NSUN6: variants seen among roughly 807,000 people sequenced by gnomAD.
NSUN6 encodes NOP2/Sun RNA methyltransferase 6.
NSUN6 carries 64 observed loss-of-function variants against 58.0 expected under a neutral mutation model. The observed-to-expected ratio is 1.10, with a 90% CI of 0.90 to 1.36. The LOEUF (loss-of-function observed/expected upper bound fraction) is 1.36. NSUN6 is among the 40% of genes most tolerant of loss of function. NSUN6 has a pLI of 0.00. For missense variants in NSUN6, 701 were observed against 550.1 expected, an observed-to-expected ratio of 1.27 and a Z score of -2.74; for synonymous variants, 231 against 193.9, an observed-to-expected ratio of 1.19 and a Z score of -1.59.
chr10:18,568,931 T>C (rs4747355), intron 8 of NSUN6, among the ~76,000 whole-genome samples: 29,326 of 148,682 alleles, frequency 0.2, 3,093 homozygotes, highest in South Asian at 0.32. Context: ...ATTCTCCATT[T>C]GGTTCTCCAT....
chr10:18,630,164 T>G (rs1040608401), intron 3 of NSUN6, among the ~76,000 whole-genome samples: 17 of 137,864 alleles, frequency 1.2e-4, no homozygotes, highest in African/African-American at 3.9e-4. Flanking sequence ...ACTGGGTACA[T>G]AACGAAATGA....
intron 6 of NSUN6, 30 bp downstream of exon 6, chr10:18,609,815 A>T: frequency 8.7e-7 from 1 of 1,144,080 alleles, no homozygotes; most frequent in Non-Finnish European, 1.3e-6. Flanking sequence ...TTTCAATGTC[A>T]CTAAATATTT....
Position 18,629,571 on chromosome 10 carries a change from T to C in NSUN6, c.311+12905A>G, listed in dbSNP as rs7894903. On this transcript the variant is annotated intron_variant, in intron 3 of 10. Coordinates refer to ENST00000377304, the MANE Select transcript of NSUN6 (RefSeq NM_182543.5). ...AAGGATGGAGGAAGATCTACCAAGC[T>C]AATGGAAAACAAAAAAGGCAGGGGT... is the stretch of plus-strand genomic sequence containing the variant. Among the ~76,000 whole-genome samples, 7 of 131,536 alleles carry C rather than the reference T, an allele frequency of 5.3e-5. 1 individual carries two copies. Among genetic ancestry groups the C allele is most frequent in the Non-Finnish European group, 1.2e-4 (7 of 60,804 alleles). 86.3% of individuals were successfully genotyped at this position (131,536 alleles called of 152,430 possible).
chr10:18,572,650 A>T (rs2056435142), intron 8 of NSUN6, among the ~76,000 whole-genome samples: 1 of 142,548 alleles, frequency 7.0e-6, no homozygotes, highest in Non-Finnish European at 1.5e-5. Context: ...TCTCCATTCC[A>T]TTCTTCATTC....
Position 18,558,484 on chromosome 10 carries a change from T to C in NSUN6, c.923-6513A>G, listed in dbSNP as rs533221038. On this transcript the variant is annotated intron_variant, in intron 8 of 10. Transcript: ENST00000377304. ...ATGGAGAAGGGAATGGAAAAAGGAA[T>C]AGAATATGGAATGGAATGGAGAAAG... is the stretch of plus-strand genomic sequence containing the variant. Among the ~76,000 whole-genome samples, 10 of 145,440 alleles carry C rather than the reference T, an allele frequency of 6.9e-5. No homozygotes were observed. The East Asian group carries it at 1.9e-3, about 27-fold the overall frequency.
chr10:18,608,103 A>C (rs1329970090), intron 6 of NSUN6, among the ~76,000 whole-genome samples: 2 of 152,212 alleles, frequency 1.3e-5, no homozygotes, highest in Admixed American at 1.3e-4. Flanking sequence ...ACAAAAAGTT[A>C]AACTCTGCCC....
chr10:18,591,295 A>T (rs2057368667), intron 7 of NSUN6, among the ~76,000 whole-genome samples: 1 of 152,176 alleles, frequency 6.6e-6, no homozygotes, highest in Admixed American at 6.6e-5. Context: ...GCAAAATTCT[A>T]CCAGAGGTAC....
rs138221104 is a variant in NSUN6, at chr10:18,600,448, G to T, written c.658-4121C>A. 1.9e-3 allele frequency among the ~76,000 whole-genome samples: 292 copies of T among 152,060 alleles called. 2 individuals are homozygous for T. The highest frequency in any genetic ancestry group is 6.8e-3 in the African/African-American group (282 of 41,462). ...CAGACCAGCCTGGGCAACATAGTGA[G>T]ACCTCATCTCTATAAAAAAATAAAA... On this transcript the variant is annotated intron_variant, in intron 6 of 10. Coordinates refer to ENST00000377304, the MANE Select transcript of NSUN6 (RefSeq NM_182543.5).
At chr10:18,652,086 A>G, upstream of NSUN6, 1 of 985,426 alleles carries the variant, frequency 1.0e-6, no homozygotes, top group Non-Finnish European at 1.2e-6. Context: ...AGTTGGGCTA[A>G]TGGTCTGTTA....
At chr10:18,649,162 T>C (rs1172138130) in intron 1 of NSUN6, among the ~76,000 whole-genome samples, 2 of 152,228 alleles carry the variant, frequency 1.3e-5, no homozygotes, top group African/African-American at 2.4e-5. Flanking sequence ...ACATCAGCTT[T>C]TTAATATGGT....
At chr10:18,613,250 C>A (rs1220003279) in intron 5 of NSUN6, among the ~76,000 whole-genome samples, 1 of 152,118 alleles carries the variant, frequency 6.6e-6, no homozygotes, top group Non-Finnish European at 1.5e-5. Flanking sequence ...GCACCTACCA[C>A]CACACCTAGC....
At chr10:18,613,503 T>C (rs559186753) in intron 5 of NSUN6, among the ~76,000 whole-genome samples, 1 of 152,116 alleles carries the variant, frequency 6.6e-6, no homozygotes, top group Non-Finnish European at 1.5e-5. Flanking sequence ...CAACATCAAA[T>C]AACCTAAAAG....
chr10:18,649,627 C>CA (rs1267244250), intron 1 of NSUN6, among the ~76,000 whole-genome samples: 18,246 of 96,042 alleles, frequency 0.19, 1,312 homozygotes, highest in Middle Eastern at 0.32. Context: ...GACCCTGTCT[C>CA]AAAAAAAAAA....
chr10:18,557,414 AGAATG>A (rs983009909), intron 8 of NSUN6, among the ~76,000 whole-genome samples: 1 of 150,506 alleles, frequency 6.6e-6, no homozygotes, highest in African/African-American at 2.4e-5. Context: ...AATGGAATGG[AGAATG>A]GAATGGAATG....
intron 8 of NSUN6, among the ~76,000 whole-genome samples, chr10:18,566,591 T>C (rs1317886600): frequency 6.6e-6 from 1 of 150,800 alleles, no homozygotes. Context: ...CTACTCTCCA[T>C]TCCATTCCAT....
chr10:18,582,817 G>C (rs991331091), intron 8 of NSUN6, among the ~76,000 whole-genome samples: 2 of 152,202 alleles, frequency 1.3e-5, no homozygotes, highest in African/African-American at 4.8e-5. Context: ...GCTGAGGAGT[G>C]ACATCTCAGC....
At chr10:18,565,617 T>C (rs1479949620) in intron 8 of NSUN6, among the ~76,000 whole-genome samples, 1 of 150,728 alleles carries the variant, frequency 6.6e-6, no homozygotes, top group African/African-American at 2.4e-5. Flanking sequence ...CCATTCTCCA[T>C]TTGTTACATT....
intron 6 of NSUN6, among the ~76,000 whole-genome samples, chr10:18,608,343 A>G (rs1382575217): frequency 4.6e-5 from 7 of 152,114 alleles, no homozygotes. Context: ...ATAAAGTCAA[A>G]ACTAAATAAT....
At chr10:18,550,973 G>A (rs11014825) in intron 9 of NSUN6, among the ~76,000 whole-genome samples, 7,357 of 152,088 alleles carry the variant, frequency 0.048, 275 homozygotes, top group Non-Finnish European at 0.077. Context: ...TGATCAGCCC[G>A]CCTCAGCCTC....
Sources: allele counts gnomAD v4.1 joint callset (sites outside exome capture counted in the v4.1 genomes callset), GRCh38; gene constraint gnomAD v4.1.1; transcripts MANE v1.5; gene names NCBI Gene and HGNC (gene_info 2026-07-23, HGNC 2026-07-21).